The following TENM3 variants were observed in gnomAD, a reference collection of about 807,000 sequenced individuals.
TENM3 encodes teneurin-3.
A neutral mutation model predicts 255.1 loss-of-function variants in TENM3; 63 were observed. The ratio of observed to expected loss-of-function variants is 0.25; its 90% CI spans 0.20 to 0.30. The LOEUF (loss-of-function observed/expected upper bound fraction) is 0.30. Ranked by LOEUF, TENM3 falls within the 10% of genes least tolerant of loss-of-function variation. The pLI is 1.00. For synonymous variants in TENM3, 1,306 were observed against 1,322.3 expected, an observed-to-expected ratio of 0.99 and a Z score of 0.27; for missense variants, 2,929 against 3,461.1, an observed-to-expected ratio of 0.85 and a Z score of 3.86.
the TENM3 span, among the ~76,000 whole-genome samples, chr4:181,616,421 G>T: frequency 7.1e-6 from 1 of 140,980 alleles, no homozygotes. Context: ...ATATAAGTAG[G>T]GTATACTCAT....
At chr4:181,849,650 G>A in the TENM3 span, among the ~76,000 whole-genome samples, 1 of 152,096 alleles carries the variant, frequency 6.6e-6, no homozygotes, top group Non-Finnish European at 1.5e-5. Context: ...ATGGAAGATG[G>A]TGTCATCCTT....
intron 3 of TENM3, among the ~76,000 whole-genome samples, chr4:182,599,466 G>A (rs1747616244): frequency 6.6e-6 from 1 of 151,986 alleles, no homozygotes; most frequent in African/African-American, 2.4e-5. Flanking sequence ...ATATATTTAG[G>A]TATTATCTCT....
chr4:181,604,575 TC>T, the TENM3 span, among the ~76,000 whole-genome samples: 1 of 152,142 alleles, frequency 6.6e-6, no homozygotes, highest in Non-Finnish European at 1.5e-5. Context: ...CAGCAGCAAG[TC>T]CAAAAAGTGT....
At chr4:181,898,107 C>T in the TENM3 span, among the ~76,000 whole-genome samples, 1 of 152,150 alleles carries the variant, frequency 6.6e-6, no homozygotes, top group South Asian at 2.1e-4. Flanking sequence ...TCAAGTCAAG[C>T]AGCTTTATTC....
chr4:181,780,930 A>T, the TENM3 span, among the ~76,000 whole-genome samples: 1 of 152,204 alleles, frequency 6.6e-6, no homozygotes, highest in African/African-American at 2.4e-5. Flanking sequence ...TCAGATGGTC[A>T]TAGGTGTGTG....
chr4:182,161,795 A>G (rs573103139), intron 1 of TENM3, among the ~76,000 whole-genome samples: 599 of 44,720 alleles, frequency 0.013, 182 homozygotes, highest in African/African-American at 0.068. Flanking sequence ...AAATATATGT[A>G]TATATATACA....
At chr4:182,141,474 T>C (rs1749420900), upstream of TENM3, 1 of 150,396 alleles carries the variant, frequency 6.6e-6, no homozygotes, top group Admixed American at 6.6e-5. Context: ...CGGCCTCAAA[T>C]GATGGAACTT....
the TENM3 span, among the ~76,000 whole-genome samples, chr4:181,637,355 C>T: frequency 1.7e-3 from 252 of 152,336 alleles, no homozygotes; most frequent in African/African-American, 5.9e-3. Context: ...CCCCCAGCAA[C>T]TCCGGGCTGT....
At chr4:182,330,514 T>C (rs1278070556) in intron 2 of TENM3, among the ~76,000 whole-genome samples, 1 of 152,160 alleles carries the variant, frequency 6.6e-6, no homozygotes, top group African/African-American at 2.4e-5. Flanking sequence ...AAGGGGAAAG[T>C]GAGAGTGGCC....
At chr4:182,326,298 G>C (rs1371212523) in intron 2 of TENM3, among the ~76,000 whole-genome samples, 1 of 152,178 alleles carries the variant, frequency 6.6e-6, no homozygotes, top group African/African-American at 2.4e-5. Context: ...GTGTGAGGCA[G>C]CTCCCCTGGT....
chr4:182,668,670 C>T (rs12648977), intron 6 of TENM3, among the ~76,000 whole-genome samples: 10,769 of 152,128 alleles, frequency 0.071, 470 homozygotes, highest in East Asian at 0.18. Context: ...ATATACTTCG[C>T]GACACAACGA....
chr4:181,588,050 G>A, the TENM3 span, among the ~76,000 whole-genome samples: 2 of 152,140 alleles, frequency 1.3e-5, no homozygotes, highest in Non-Finnish European at 2.9e-5. Context: ...CCTGGTCACG[G>A]GAAAGCAGGG....
At chr4:182,196,354 T>C (rs1412357584) in intron 1 of TENM3, among the ~76,000 whole-genome samples, 5 of 152,108 alleles carry the variant, frequency 3.3e-5, no homozygotes, top group South Asian at 2.1e-4. Context: ...TCCGGACAGA[T>C]TGGAAGTGTA....
rs114437708 is a variant in TENM3 at position 182,590,000 on chromosome 4, C to T, written c.512-10924C>T. Among the ~76,000 whole-genome samples the T allele has an allele frequency of 4.9e-3, 739 of 152,098 alleles. 8 individuals carry two copies. Among genetic ancestry groups the T allele is most frequent in the African/African-American group, 0.016 (653 of 41,500 alleles). On this transcript the variant is annotated intron_variant, in intron 3 of 27. Transcript: ENST00000511685. ...CTCAAACAAAAACAAAAACAAAAAA[C>T]GTTTGATTTGCTTCTGCCGGGTGCC...
chr4:182,343,727 G>A (rs1385646506), intron 2 of TENM3, among the ~76,000 whole-genome samples: 2 of 150,500 alleles, frequency 1.3e-5, no homozygotes, highest in Non-Finnish European at 3.0e-5. Flanking sequence ...AACTGCAGAT[G>A]TTTTCCATCA....
At chr4:181,546,725 A>T in the TENM3 span, among the ~76,000 whole-genome samples, 2 of 129,174 alleles carry the variant, frequency 1.5e-5, no homozygotes, top group Admixed American at 8.9e-5. Context: ...GAAAAAAAAA[A>T]AAAAGAAGAA....
the TENM3 span, among the ~76,000 whole-genome samples, chr4:181,853,354 C>A: frequency 2.6e-5 from 4 of 152,106 alleles, no homozygotes; most frequent in Non-Finnish European, 5.9e-5. Flanking sequence ...TTTTACGTTG[C>A]CAAACTAGAA....
chr4:182,595,159 A>T (rs1174140608), intron 3 of TENM3, among the ~76,000 whole-genome samples: 5 of 152,184 alleles, frequency 3.3e-5, no homozygotes, highest in African/African-American at 4.8e-5. Flanking sequence ...AATATGCCAT[A>T]TTCATTGTCA....
At chr4:182,249,007 A>C (rs1579888886) in intron 1 of TENM3, among the ~76,000 whole-genome samples, 1 of 152,132 alleles carries the variant, frequency 6.6e-6, no homozygotes, top group African/African-American at 2.4e-5. Context: ...TCCTCTACAA[A>C]CTTTATATGT....
Sources: gnomAD v4.1 joint callset for allele counts (sites outside exome capture counted in the v4.1 genomes callset) on GRCh38, gnomAD v4.1.1 for gene constraint, MANE v1.5 for transcripts, NCBI Gene and HGNC (gene_info 2026-07-23, HGNC 2026-07-21) for gene names.